Variants in FAT1 observed in about 807,000 individuals in gnomAD.
FAT1 encodes protocadherin Fat 1.
In FAT1, 171 loss-of-function variants were observed where a neutral mutation model predicts 329.8. The observed-to-expected ratio is 0.52, with a 90% CI of 0.46 to 0.59. FAT1 has a LOEUF of 0.59. FAT1 is among the 20% of genes least tolerant of loss of function. The pLI, the probability that FAT1 is intolerant of heterozygous loss-of-function variation, is 0.00. For missense variants in FAT1, 5,672 were observed against 5,774.4 expected (o/e 0.98, Z 0.57); for synonymous variants, 2,233 against 2,228.6 (o/e 1.00, Z -0.06).
rs377192539 is a variant in FAT1, at chr4:186,704,648, T to C, written c.3265+1915A>G. Among the ~76,000 whole-genome samples the C allele has an allele frequency of 2.9e-4, 44 of 152,336 alleles. 1 individual carries two copies. The South Asian group carries it at 8.7e-3, about 30-fold the overall frequency. ...AAAAATTTTACAAAAACAGTTTGACTCAGCTTCAGTTGTTAAATTTGGGGT... is the reference window on the plus strand; with the variant it reads ...AAAAATTTTACAAAAACAGTTTGACCCAGCTTCAGTTGTTAAATTTGGGGT... On this transcript the variant is annotated intron_variant, in intron 2 of 26. Coordinates refer to ENST00000441802, the MANE Select transcript of FAT1 (RefSeq NM_005245.4).
chr4:186,695,713 G>A (rs1330737579), intron 2 of FAT1, among the ~76,000 whole-genome samples: 1 of 150,608 alleles, frequency 6.6e-6, no homozygotes, highest in East Asian at 2.0e-4. Context: ...GACAAAAGCA[G>A]ATTTTTTAAA....
upstream of FAT1, among the ~76,000 whole-genome samples, chr4:186,724,973 A>C (rs941343831): frequency 6.6e-6 from 1 of 152,168 alleles, no homozygotes; most frequent in Admixed American, 6.5e-5. The surrounding 1 kb of genome is among the most constrained non-coding windows in gnomAD (Gnocchi z 5.3). Flanking sequence ...AAGCCATCTT[A>C]GAGGTGACCG....
intron 2 of FAT1, among the ~76,000 whole-genome samples, chr4:186,706,262 T>C (rs1295091929): frequency 2.6e-5 from 4 of 152,196 alleles, no homozygotes; most frequent in Non-Finnish European, 4.4e-5. Context: ...CTTTTGATAA[T>C]AGAGTTCAAA....
chr4:186,641,633 A>C (rs929398737), intron 3 of FAT1, among the ~76,000 whole-genome samples: 1 of 152,208 alleles, frequency 6.6e-6, no homozygotes, highest in Non-Finnish European at 1.5e-5. Context: ...CTTATGAGCA[A>C]ATACAACTCC....
intron 1 of FAT1, among the ~76,000 whole-genome samples, chr4:186,714,499 C>T (rs574083186): frequency 2.4e-4 from 37 of 151,898 alleles, no homozygotes; most frequent in African/African-American, 8.4e-4. Flanking sequence ...AGACTCCAGC[C>T]GGCAGATAGA....
rs1740038703 is a variant in FAT1, at chr4:186,621,358, G to A, written c.5228C>T (p.Ala1743Val). 2 of 1,613,888 alleles carry A rather than the reference G, an allele frequency of 1.2e-6. No individual in the cohort carries two copies. The highest frequency in any genetic ancestry group is 2.2e-5 in the East Asian group (1 of 44,898). The change falls in exon 10 of 27, where the codon GCT (alanine) becomes GTT (valine). Residue 1743 changes from alanine (A) to valine (V), a missense_variant. Coordinates refer to ENST00000441802, the MANE Select transcript of FAT1 (RefSeq NM_005245.4). ...YTLIIQGTNM[A>V]GLSTNTTVLV... ...AACCGTTGTATTAGTGGACAAACCA[G>A]CCATGTTAGTTCCTTGTATTATCAA...
At chr4:186,690,014 T>C (rs1403899715) in intron 2 of FAT1, among the ~76,000 whole-genome samples, 2 of 152,158 alleles carry the variant, frequency 1.3e-5, no homozygotes, top group African/African-American at 4.8e-5. Flanking sequence ...AGTAGCCCCT[T>C]CCTCAGTTAC....
chr4:186,643,190 G>A (rs777428646), intron 3 of FAT1, among the ~76,000 whole-genome samples: 6 of 152,072 alleles, frequency 3.9e-5, no homozygotes, highest in South Asian at 2.1e-4. Context: ...GGCCGGTGAC[G>A]ACAGCATGGA....
In FAT1 at chr4:186,708,680, T is replaced by C. The variant is rs376427037; in HGVS notation, c.1148A>G (p.Asn383Ser). 33 of 1,613,760 alleles carry C rather than the reference T, an allele frequency of 2.0e-5. 1 individual carries two copies. The highest frequency in any genetic ancestry group is 1.8e-4 in the South Asian group (16 of 91,080). ...RAEISEFAPP[N>S]TPVVMVKAIP... ...GGCCTTTACCATGACCACAGGTGTG[T>C]TGGGAGGAGCAAATTCACTTATTTC... Residue 383 changes from asparagine to serine, a missense_variant, in exon 2 of 27, where the codon AAC becomes AGC. By Grantham distance (46) the Asn-to-Ser change is conservative. Coordinates refer to ENST00000441802, the MANE Select transcript of FAT1 (RefSeq NM_005245.4).
At position 186,600,492 on chromosome 4, in the gene FAT1, C is replaced by T. The variant is rs115187048; in HGVS notation, c.11641-132G>A. On this transcript the variant is annotated intron_variant, in intron 21 of 26. Transcript: ENST00000441802. ...GGCCTTACATTTAAGTACTACAGAG[C>T]ACAGATTCATTTGTCCACTGTATAA... 5.4e-4 allele frequency: 372 copies of T among 688,426 alleles called. 2 individuals are homozygous for T. In the African/African-American group the frequency reaches 6.0e-3, roughly 11 times the overall value. 42.6% of individuals were successfully genotyped at this position (688,426 alleles called of 1,614,324 possible).
chr4:186,663,831 A>G (rs1742304016), intron 2 of FAT1, among the ~76,000 whole-genome samples: 1 of 152,218 alleles, frequency 6.6e-6, no homozygotes, highest in Admixed American at 6.5e-5. Flanking sequence ...AATGATTAGA[A>G]CACTTGGCAC....
chr4:186,637,679 T>C (rs1358314293), intron 4 of FAT1, among the ~76,000 whole-genome samples: 1 of 152,198 alleles, frequency 6.6e-6, no homozygotes, highest in East Asian at 1.9e-4. Context: ...TTAAATCAAA[T>C]GTTCACGTTT....
intron 4 of FAT1, among the ~76,000 whole-genome samples, chr4:186,638,808 G>T (rs868389895): frequency 2.7e-5 from 4 of 149,668 alleles, no homozygotes; most frequent in African/African-American, 1.0e-4. Flanking sequence ...TAGAGTGGAA[G>T]AAGAGCACTG....
intron 1 of FAT1, among the ~76,000 whole-genome samples, chr4:186,711,469 T>C (rs1561013730): frequency 6.6e-6 from 1 of 152,156 alleles, no homozygotes; most frequent in African/African-American, 2.4e-5. Flanking sequence ...TCAGGGAAAT[T>C]TGAATATTAT....
rs114279527 is a variant in FAT1, at chr4:186,706,900, C to A, written c.2928G>T (p.Val976=). The A allele has an allele frequency of 3.7e-6, 6 of 1,613,850 alleles. No homozygotes were observed. In the African/African-American group the frequency reaches 8.0e-5, roughly 22 times the overall value. Residue 976 remains valine (V), a synonymous_variant, in exon 2 of 27, where the codon GTG becomes GTT. Transcript: ENST00000441802. ...TCCTAACTGCTCCACTGAGTTTATCCACATCGAAGTTTCCTTCTCCGTGGT... is the reference window on the plus strand; with the variant it reads ...TCCTAACTGCTCCACTGAGTTTATCAACATCGAAGTTTCCTTCTCCGTGGT... ...LLDHGEGNFD[V]DKLSGAVRIV...
At chr4:186,650,969 A>C (rs1283496281) in intron 3 of FAT1, among the ~76,000 whole-genome samples, 3 of 152,014 alleles carry the variant, frequency 2.0e-5, no homozygotes, top group African/African-American at 7.2e-5. Context: ...ACTGCACGGA[A>C]AAGAGAGGGC....
At chr4:186,703,939 C>T (rs976118248) in intron 2 of FAT1, among the ~76,000 whole-genome samples, 1 of 152,254 alleles carries the variant, frequency 6.6e-6, no homozygotes, top group African/African-American at 2.4e-5. Flanking sequence ...AGTTTCTACA[C>T]TGTGATACCA....
At chr4:186,638,916 C>T (rs1391972182) in intron 4 of FAT1, among the ~76,000 whole-genome samples, 1 of 151,784 alleles carries the variant, frequency 6.6e-6, no homozygotes, top group Admixed American at 6.5e-5. Context: ...CTCTACGCCC[C>T]TCTCTGCGGT....
chr4:186,663,436 A>T lies in FAT1; in HGVS notation c.3443T>A (p.Ile1148Asn), dbSNP rs934411106. The T allele has an allele frequency of 1.9e-6, 3 of 1,613,898 alleles. No homozygotes were observed. In the African/African-American group the frequency reaches 4.0e-5, roughly 22 times the overall value. ...QTSEPVYYPE[I>N]MENSPKDVSV... ...TACATCTTTAGGAGAATTTTCCATGATTTCTGGGTAATAAACAGGCTCTGA... is the reference window on the plus strand; with the variant it reads ...TACATCTTTAGGAGAATTTTCCATGTTTTCTGGGTAATAAACAGGCTCTGA... Residue 1148 changes from isoleucine to asparagine, a missense_variant, in exon 3 of 27, where the codon ATC becomes AAC. Physicochemically the swap from Ile to Asn is moderately radical, Grantham distance 149. Around this residue, in one of 2 missense-constraint regions of FAT1, gnomAD observed 3,966 missense variants for 3,915.2 expected, o/e 1.01. Transcript: ENST00000441802.
Sources: gnomAD v4.1 joint callset for allele counts (sites outside exome capture counted in the v4.1 genomes callset) on GRCh38, gnomAD v4.1.1 for gene constraint, gnomAD v4.1.1 regional missense constraint, Gnocchi (gnomAD v3.1) non-coding constraint, MANE v1.5 for transcripts, NCBI Gene and HGNC (gene_info 2026-07-23, HGNC 2026-07-21) for gene names.